The following TACC1 variants were observed in gnomAD, a reference collection of about 807,000 sequenced individuals.
TACC1 encodes transforming acidic coiled-coil containing protein 1.
In TACC1, 48 loss-of-function variants were observed where a neutral mutation model predicts 84.4. The ratio of observed to expected loss-of-function variants is 0.57; its 90% CI spans 0.45 to 0.72. TACC1 has a LOEUF of 0.72. Ranked by LOEUF, TACC1 falls within the 30% of genes least tolerant of loss-of-function variation. The probability of loss-of-function intolerance (pLI) is 0.00; values close to 1 mark genes in which losing one functional copy is unlikely to be tolerated. For missense variants in TACC1, 920 were observed against 973.0 expected, an observed-to-expected ratio of 0.95 and a Z score of 0.72; for synonymous variants, 372 against 376.3, an observed-to-expected ratio of 0.99 and a Z score of 0.13.
chr8:38,748,676 G>A (rs935560883), intron 3 of TACC1, among the ~76,000 whole-genome samples: 1 of 152,050 alleles, frequency 6.6e-6, no homozygotes, highest in Non-Finnish European at 1.5e-5. Flanking sequence ...TGGAAACTAA[G>A]CAACACACTT....
intron 8 of TACC1, among the ~76,000 whole-genome samples, chr8:38,838,933 G>C (rs1332577706): frequency 2.6e-5 from 4 of 151,402 alleles, no homozygotes; most frequent in Non-Finnish European, 5.9e-5. Flanking sequence ...GTCTCACTCT[G>C]TCATCCAGGC....
chr8:38,804,529 G>A (rs1303584473), intron 2 of TACC1, among the ~76,000 whole-genome samples: 1 of 152,160 alleles, frequency 6.6e-6, no homozygotes, highest in African/African-American at 2.4e-5. Flanking sequence ...TCAAACTCCT[G>A]ACCTCAGGTG....
chr8:38,787,521 G>T lies in TACC1; in HGVS notation c.-62G>T. ...CACCGGTTCCCTCCATTTTGAAAGG[G>T]AAAAAGGCTCTCCCCACCCATTCCC... is the stretch of plus-strand genomic sequence containing the variant. On this transcript the variant is annotated 5_prime_UTR_variant, in exon 1 of 13. Coordinates refer to ENST00000317827, the MANE Select transcript of TACC1 (RefSeq NM_006283.3). 6.9e-7 allele frequency: 1 copy of T among 1,453,162 alleles called. No homozygotes were observed. 90.0% of individuals were successfully genotyped at this position (1,453,162 alleles called of 1,614,324 possible). A position where few individuals can be genotyped will look rare whatever the true frequency, so the allele number is the denominator to read the frequency against.
Position 38,772,025 on chromosome 8 carries a change from A to AAGAGAG in TACC1, c.27-16656_27-16651dup, listed in dbSNP as rs35335324. The stretch of plus-strand genomic sequence containing the variant: ...ACACTCCATATATGAAAGAAAGAAA[A>AAGAGAG]AGAGAGAGAGAGAGAGAGAGAGAGA... On this transcript the variant is annotated intron_variant, in intron 3 of 14. Coordinates refer to the TACC1 transcript ENST00000518415. Among the ~76,000 whole-genome samples the AAGAGAG allele has an allele frequency of 1.9e-3, 286 of 148,604 alleles. 1 individual carries two copies. Among genetic ancestry groups the AAGAGAG allele is most frequent in the Admixed American group, 0.013 (196 of 14,932 alleles).
Position 38,819,611 on chromosome 8 carries a change from C to T in TACC1, c.367C>T (p.Pro123Ser), listed in dbSNP as rs1826196812. 3 of 1,614,102 alleles carry T rather than the reference C, an allele frequency of 1.9e-6. No homozygotes were observed. The highest frequency in any genetic ancestry group is 2.2e-5 in the East Asian group (1 of 44,898). ...TTCTAAACCTTCAGAAAATGAAGTG[C>T]CACAGCAGGCCATTGACTCTCACTC... ...TCSKPSENEV[P>S]QQAIDSHSVK... is the part of the protein sequence containing the mutation. The change falls in exon 3 of 13, where the codon CCA becomes TCA. Residue 123 changes from proline to serine, a missense_variant. Transcript: ENST00000317827.
chr8:38,797,291 A>T (rs925993103), intron 2 of TACC1, among the ~76,000 whole-genome samples: 1 of 152,230 alleles, frequency 6.6e-6, no homozygotes, highest in African/African-American at 2.4e-5. Context: ...AGGAGGTGAG[A>T]CATATAGGGG....
At chr8:38,732,672 C>A (rs1415069753) in intron 1 of TACC1, among the ~76,000 whole-genome samples, 1 of 152,136 alleles carries the variant, frequency 6.6e-6, no homozygotes, top group Non-Finnish European at 1.5e-5. Flanking sequence ...TTGTTTAATC[C>A]TCATGGCCGC....
chr8:38,749,935 AC>A (rs1808737530), intron 3 of TACC1, among the ~76,000 whole-genome samples: 1 of 152,214 alleles, frequency 6.6e-6, no homozygotes, highest in East Asian at 1.9e-4. Context: ...ATGTAATTCA[AC>A]AAATTAATAG....
In TACC1 at chr8:38,788,786, C is replaced by T. The variant is rs750965830; in HGVS notation, c.244C>T (p.Leu82Phe). The T allele has an allele frequency of 6.2e-7, 1 of 1,613,562 alleles. No individual in the cohort carries two copies. Among genetic ancestry groups the T allele is most frequent in the South Asian group, 1.1e-5 (1 of 90,952 alleles). The change falls in exon 2 of 13, where the codon CTC becomes TTC. Residue 82 changes from leucine to phenylalanine, a missense_variant. Leu to Phe is a conservative substitution (Grantham distance 22). Coordinates refer to ENST00000317827, the MANE Select transcript of TACC1 (RefSeq NM_006283.3). ...SPFKESCDPS[L>F]GLAGPGAKSQ... ...TTTCAAGGAGTCCTGTGATCCATCA[C>T]TCGGATTGGCAGGACCTGGGGCCAA...
intron 12 of TACC1, among the ~76,000 whole-genome samples, chr8:38,847,598 C>T (rs942075680): frequency 2.6e-5 from 4 of 152,166 alleles, no homozygotes; most frequent in African/African-American, 9.7e-5. Flanking sequence ...ATTCAGACTC[C>T]AGCATCCCTA....
Position 38,787,251 on chromosome 8 carries a change from G to T in TACC1, c.-332G>T. Reference sequence around the variant, plus strand: ...CGGGAGGCGGGAGTCCGCGAGCCGGGAGCGGGAGCAGCAGAGGTCTAGCAG... The same window carrying T: ...CGGGAGGCGGGAGTCCGCGAGCCGGTAGCGGGAGCAGCAGAGGTCTAGCAG... On this transcript the variant is annotated 5_prime_UTR_variant, in exon 1 of 13. Coordinates refer to ENST00000317827, the MANE Select transcript of TACC1 (RefSeq NM_006283.3). 3 of 1,029,706 alleles carry T rather than the reference G, an allele frequency of 2.9e-6. No individual in the cohort carries two copies. Among genetic ancestry groups the T allele is most frequent in the Non-Finnish European group, 3.5e-6 (3 of 859,422 alleles). The allele number at this position is 1,029,706 out of a possible 1,614,324, so 63.8% of individuals were successfully genotyped here.
chr8:38,827,199 A>G lies in TACC1; in HGVS notation c.1484A>G (p.Asp495Gly). ...GGGGCAGTGATCTCCCAGATTTCAG[A>G]CATTTCTAATAGGGATGGCCATGCT... ...DEGAVISQIS[D>G]ISNRDGHATD... Residue 495 changes from aspartate to glycine, a missense_variant, in exon 5 of 13, where the codon GAC becomes GGC. Asp to Gly is a moderately conservative substitution (Grantham distance 94). Coordinates refer to ENST00000317827, the MANE Select transcript of TACC1 (RefSeq NM_006283.3). 1.9e-6 allele frequency: 3 copies of G among 1,613,966 alleles called. No individual in the cohort carries two copies. The highest frequency in any genetic ancestry group is 1.7e-4 in the Middle Eastern group (1 of 5,924).
At chr8:38,822,628 C>T (rs1563805022) in intron 3 of TACC1, among the ~76,000 whole-genome samples, 1 of 152,136 alleles carries the variant, frequency 6.6e-6, no homozygotes, top group Non-Finnish European at 1.5e-5. Flanking sequence ...TGTAATAAAA[C>T]TTAGCTTAAA....
rs1831440985 is a variant in TACC1 at position 38,842,376 on chromosome 8, G to C, written c.2050G>C (p.Val684Leu). Residue 684 changes from valine (V) to leucine (L), a missense_variant, in exon 10 of 13, where the codon GTG (valine) becomes CTG (leucine). Transcript: ENST00000317827. ...KEQALADLNS[V>L]ERSLSDLFRR... ...ACAGGCCCTGGCTGACCTTAACTCT[G>C]TGGAAAGGTCCCTTTCTGATCTCTT... 2 of 1,614,114 alleles carry C rather than the reference G, an allele frequency of 1.2e-6. No homozygotes were observed. The highest frequency in any genetic ancestry group is 2.7e-5 in the African/African-American group (2 of 74,924).
intron 6 of TACC1, among the ~76,000 whole-genome samples, chr8:38,833,432 G>A (rs976972761): frequency 2.0e-5 from 3 of 152,236 alleles, no homozygotes; most frequent in Non-Finnish European, 4.4e-5. Flanking sequence ...AAGTAGGCAA[G>A]GGCATACATT....
chr8:38,762,361 G>A (rs1220412967), intron 3 of TACC1, among the ~76,000 whole-genome samples: 1 of 152,120 alleles, frequency 6.6e-6, no homozygotes, highest in East Asian at 1.9e-4. Flanking sequence ...CCTCATGTAA[G>A]TGGAAATGTA....
chr8:38,805,985 T>C (rs981289075), intron 2 of TACC1, among the ~76,000 whole-genome samples: 2 of 152,234 alleles, frequency 1.3e-5, no homozygotes, highest in Admixed American at 1.3e-4. Context: ...ACTGCCTTGG[T>C]AACCAGGGCT....
intron 1 of TACC1, among the ~76,000 whole-genome samples, chr8:38,729,265 A>G (rs1188835663): frequency 6.6e-6 from 1 of 152,106 alleles, no homozygotes; most frequent in East Asian, 1.9e-4. Context: ...GGGTGCAGGG[A>G]TGTGGCACAG....
chr8:38,817,224 C>T (rs1825631427), intron 2 of TACC1, among the ~76,000 whole-genome samples: 1 of 152,178 alleles, frequency 6.6e-6, no homozygotes, highest in Non-Finnish European at 1.5e-5. Flanking sequence ...TTAACTGAGC[C>T]AGTTGTACAT....
Sources: allele counts gnomAD v4.1 joint callset (sites outside exome capture counted in the v4.1 genomes callset), GRCh38; gene constraint gnomAD v4.1.1; transcripts MANE v1.5; gene names NCBI Gene and HGNC (gene_info 2026-07-23, HGNC 2026-07-21).